Variants in TBC1D22A observed in about 807,000 individuals in gnomAD.
The protein encoded by TBC1D22A is TBC1 domain family member 22A.
A neutral mutation model predicts 60.2 loss-of-function variants in TBC1D22A; 38 were observed. That is an observed-to-expected ratio of 0.63 (90% confidence interval 0.49 to 0.83). The LOEUF is 0.83. TBC1D22A is among the 40% of genes least tolerant of loss of function. The probability of loss-of-function intolerance (pLI) is 0.00; values close to 1 mark genes in which losing one functional copy is unlikely to be tolerated. For synonymous variants in TBC1D22A, 302 were observed against 281.7 expected (o/e 1.07, Z -0.72); for missense variants, 628 against 701.0 (o/e 0.90, Z 1.18).
chr22:47,121,602 C>T (rs2066273003), intron 12 of TBC1D22A, among the ~76,000 whole-genome samples: 1 of 152,176 alleles, frequency 6.6e-6, no homozygotes, highest in Non-Finnish European at 1.5e-5. Context: ...CCCAGATTTG[C>T]TTCTATTCCA....
intron 12 of TBC1D22A, among the ~76,000 whole-genome samples, chr22:47,145,055 G>T (rs565703960): frequency 6.6e-6 from 1 of 152,222 alleles, no homozygotes. Context: ...ACCACGTGCC[G>T]GCTGCAGCGT....
chr22:46,957,777 G>A (rs2073284478), intron 8 of TBC1D22A, among the ~76,000 whole-genome samples: 1 of 152,238 alleles, frequency 6.6e-6, no homozygotes, highest in African/African-American at 2.4e-5. Context: ...GGCTGCTTAT[G>A]TGAGGAAGCG....
At chr22:47,166,136 G>A (rs1022416236) in intron 12 of TBC1D22A, among the ~76,000 whole-genome samples, 8 of 152,168 alleles carry the variant, frequency 5.3e-5, no homozygotes, top group South Asian at 2.1e-4. Flanking sequence ...AGGTGTTGAC[G>A]AGTTTTGCCA....
chr22:46,994,497 G>A (rs1214006284), intron 9 of TBC1D22A, among the ~76,000 whole-genome samples: 1 of 146,900 alleles, frequency 6.8e-6, no homozygotes, highest in Non-Finnish European at 1.5e-5. Context: ...CTCCAGGTCT[G>A]TCTGTTATTC....
At chr22:47,003,698 C>T (rs2061475951) in intron 10 of TBC1D22A, among the ~76,000 whole-genome samples, 1 of 125,078 alleles carries the variant, frequency 8.0e-6, no homozygotes, top group African/African-American at 4.2e-5. Context: ...TATACACACA[C>T]CCTACACACA....
chr22:47,104,675 A>G (rs1180230297), intron 11 of TBC1D22A, among the ~76,000 whole-genome samples: 1 of 149,382 alleles, frequency 6.7e-6, no homozygotes, highest in African/African-American at 2.5e-5. Flanking sequence ...AGCCTGGGCG[A>G]CAGAGAAAGA....
intron 8 of TBC1D22A, among the ~76,000 whole-genome samples, chr22:46,912,731 A>G (rs1248731435): frequency 6.6e-6 from 1 of 152,096 alleles, no homozygotes. Context: ...TAATTTTTGT[A>G]TTTTTAGTAG....
intron 7 of TBC1D22A, among the ~76,000 whole-genome samples, chr22:46,907,073 G>A (rs946442403): frequency 7.4e-6 from 1 of 135,412 alleles, no homozygotes; most frequent in East Asian, 3.0e-4. Flanking sequence ...CCACATGTGT[G>A]CTCTTCTGTG....
chr22:46,820,272 T>C (rs2085770600), intron 4 of TBC1D22A, among the ~76,000 whole-genome samples: 1 of 152,194 alleles, frequency 6.6e-6, no homozygotes, highest in East Asian at 1.9e-4. Context: ...TGTCTTCTGC[T>C]AGCTTTTGGA....
At chr22:46,919,098 A>G (rs1432330908) in intron 8 of TBC1D22A, among the ~76,000 whole-genome samples, 1 of 152,214 alleles carries the variant, frequency 6.6e-6, no homozygotes, top group Admixed American at 6.5e-5. Context: ...CTTTGTTTTT[A>G]GAATATTTTC....
chr22:47,116,721 C>T (rs900529233), intron 12 of TBC1D22A: 5 of 152,422 alleles, frequency 3.3e-5, no homozygotes, highest in Admixed American at 3.3e-4. Flanking sequence ...GGAGCCTTCA[C>T]CTTTGTCCCC....
At chr22:47,076,353 A>ATGTG (rs1288517301) in intron 11 of TBC1D22A, among the ~76,000 whole-genome samples, 2 of 107,772 alleles carry the variant, frequency 1.9e-5, no homozygotes, top group African/African-American at 6.6e-5. Context: ...ATATATATAT[A>ATGTG]TGTGTGTGTA....
chr22:47,023,944 AC>A (rs2062170344), intron 10 of TBC1D22A, among the ~76,000 whole-genome samples: 1 of 152,256 alleles, frequency 6.6e-6, no homozygotes. Context: ...GCATTGAAAC[AC>A]GTTTTCTTGT....
At chr22:47,163,641 A>T (rs1228613878) in intron 12 of TBC1D22A, among the ~76,000 whole-genome samples, 1 of 152,178 alleles carries the variant, frequency 6.6e-6, no homozygotes, top group Non-Finnish European at 1.5e-5. Flanking sequence ...AGGGCGGTGG[A>T]GGGAAGCAAG....
intron 4 of TBC1D22A, among the ~76,000 whole-genome samples, chr22:46,836,835 A>G (rs765544015): frequency 6.6e-6 from 1 of 152,208 alleles, no homozygotes; most frequent in East Asian, 1.9e-4. Context: ...GACTATCTTT[A>G]TATCAGGCAA....
chr22:46,913,911 G>T (rs768682416), intron 8 of TBC1D22A: 24 of 362,002 alleles, frequency 6.6e-5, no homozygotes, highest in Non-Finnish European at 8.8e-5. Flanking sequence ...AAGAAAGCCT[G>T]GAGAAAATGG....
intron 10 of TBC1D22A, among the ~76,000 whole-genome samples, chr22:47,007,696 C>T (rs533761610): frequency 8.2e-6 from 1 of 121,892 alleles, no homozygotes; most frequent in African/African-American, 3.7e-5. Flanking sequence ...GTGGGGGTAG[C>T]GGTGGTGGGG....
chr22:46,914,758 G>C (rs1251531119), intron 8 of TBC1D22A: 1 of 154,178 alleles, frequency 6.5e-6, no homozygotes, highest in Non-Finnish European at 1.4e-5. Context: ...TGTGCTGTGG[G>C]AGTGGGGCAG....
chr22:47,086,788 G>A (rs2064710620), intron 11 of TBC1D22A, among the ~76,000 whole-genome samples: 1 of 152,176 alleles, frequency 6.6e-6, no homozygotes, highest in Non-Finnish European at 1.5e-5. Context: ...GCAAGAATGA[G>A]CACAGACGGG....
Sources: allele counts gnomAD v4.1 joint callset (sites outside exome capture counted in the v4.1 genomes callset), GRCh38; gene constraint gnomAD v4.1.1; transcripts MANE v1.5; gene names NCBI Gene and HGNC (gene_info 2026-07-23, HGNC 2026-07-21).